DLGAP2: variants seen among roughly 807,000 people sequenced by gnomAD.
DLGAP2 encodes the protein disks large-associated protein 2.
DLGAP2 carries 26 observed loss-of-function variants against 100.3 expected under a neutral mutation model. That is an observed-to-expected ratio of 0.26 (90% CI 0.19 to 0.36). DLGAP2 has a LOEUF of 0.36. Ranked by LOEUF, DLGAP2 falls within the 10% of genes least tolerant of loss-of-function variation. DLGAP2 has a pLI of 1.00. For synonymous variants in DLGAP2, 886 were observed against 630.1 expected (o/e 1.41, Z -6.08); for missense variants, 1,858 against 1,453.2 (o/e 1.28, Z -4.53).
chr8:940,995 C>T (rs912325353), intron 2 of DLGAP2, among the ~76,000 whole-genome samples: 1 of 152,148 alleles, frequency 6.6e-6, no homozygotes, highest in Admixed American at 6.5e-5. Flanking sequence ...TGCCCCCACC[C>T]ATCTACAGGT....
intron 2 of DLGAP2, among the ~76,000 whole-genome samples, chr8:1,155,040 G>C (rs540346639): frequency 1.6e-4 from 24 of 152,212 alleles, no homozygotes; most frequent in African/African-American, 5.8e-4. Context: ...ATTCTCGCAG[G>C]CCTCTGCCTG....
chr8:826,351 A>C (rs541978038), intron 1 of DLGAP2, among the ~76,000 whole-genome samples: 1 of 152,014 alleles, frequency 6.6e-6, no homozygotes, highest in East Asian at 1.9e-4. Flanking sequence ...ATTGATTTTC[A>C]TTGTTGTGTT....
chr8:859,825 G>A (rs1255131040), intron 1 of DLGAP2, among the ~76,000 whole-genome samples: 1 of 152,176 alleles, frequency 6.6e-6, no homozygotes, highest in African/African-American at 2.4e-5. Flanking sequence ...GTGCGGTGTA[G>A]GGGCCACCTC....
intron 3 of DLGAP2, among the ~76,000 whole-genome samples, chr8:1,442,684 C>A (rs936718332): frequency 4.8e-5 from 7 of 147,204 alleles, no homozygotes; most frequent in African/African-American, 7.7e-5. Flanking sequence ...CGCCAGGCTG[C>A]TGTGGGTTCA....
intron 4 of DLGAP2, among the ~76,000 whole-genome samples, chr8:1,528,140 G>A (rs575810600): frequency 4.1e-4 from 62 of 152,308 alleles, no homozygotes; most frequent in African/African-American, 1.4e-3. Flanking sequence ...CCCGTCGGAC[G>A]CAGCGATACC....
chr8:1,685,549 G>A (rs1441792487), intron 12 of DLGAP2, among the ~76,000 whole-genome samples: 1 of 152,110 alleles, frequency 6.6e-6, no homozygotes, highest in East Asian at 1.9e-4. Flanking sequence ...CTATGAAGAT[G>A]TTGCCATACA....
At chr8:744,841 G>C (rs1490499640) in intron 1 of DLGAP2, among the ~76,000 whole-genome samples, 1 of 152,170 alleles carries the variant, frequency 6.6e-6, no homozygotes, top group African/African-American at 2.4e-5. Context: ...TAGTTGGAAT[G>C]CTGCTTCCCC....
intron 3 of DLGAP2, among the ~76,000 whole-genome samples, chr8:1,281,090 A>G (rs1023466781): frequency 2.0e-5 from 3 of 152,240 alleles, no homozygotes; most frequent in East Asian, 1.9e-4. Context: ...GTAGGTTTCA[A>G]TGAGATTATG....
chr8:754,782 C>T (rs1820882734), intron 1 of DLGAP2, among the ~76,000 whole-genome samples: 2 of 152,162 alleles, frequency 1.3e-5, no homozygotes, highest in Admixed American at 6.5e-5. Context: ...TCTGAGGCTG[C>T]CATGAGCCAC....
In DLGAP2 at chr8:1,511,782, C is replaced by A. The variant is rs367970558; in HGVS notation, c.172+10351C>A. Among the ~76,000 whole-genome samples the A allele has an allele frequency of 8.5e-5, 13 of 152,106 alleles. No homozygotes were observed. In the South Asian group the frequency reaches 1.7e-3, roughly 20 times the overall value. On this transcript the variant is annotated intron_variant, in intron 4 of 14. Transcript: ENST00000637795. Reference sequence around the variant, plus strand: ...GACGTAAGGTCTGTCTAGTGTAGGACAATCAGTAGATGACCATCTTCCATA... The same window carrying A: ...GACGTAAGGTCTGTCTAGTGTAGGAAAATCAGTAGATGACCATCTTCCATA...
chr8:1,139,569 A>C (rs1360831992), intron 2 of DLGAP2, among the ~76,000 whole-genome samples: 2 of 152,192 alleles, frequency 1.3e-5, no homozygotes, highest in Non-Finnish European at 2.9e-5. Flanking sequence ...TTGGGGGTTA[A>C]GATTTCACTG....
chr8:1,663,075 G>A, intron 8 of DLGAP2, among the ~76,000 whole-genome samples: 1 of 142,398 alleles, frequency 7.0e-6, no homozygotes, highest in Admixed American at 7.1e-5. Flanking sequence ...GGGTGTGTGT[G>A]CGTTTGTACA....
chr8:750,182 G>C (rs1359100295), intron 1 of DLGAP2, among the ~76,000 whole-genome samples: 2 of 152,220 alleles, frequency 1.3e-5, no homozygotes, highest in Non-Finnish European at 2.9e-5. Context: ...GAACGTTCCT[G>C]AGTCTGGAGG....
intron 1 of DLGAP2, among the ~76,000 whole-genome samples, chr8:841,501 G>A (rs1426483646): frequency 3.3e-5 from 5 of 152,148 alleles, no homozygotes; most frequent in East Asian, 1.9e-4. Context: ...AACACGACCC[G>A]GTTACTAGGG....
intron 2 of DLGAP2, among the ~76,000 whole-genome samples, chr8:915,314 G>T (rs968660449): frequency 6.6e-6 from 1 of 152,188 alleles, no homozygotes; most frequent in Admixed American, 6.5e-5. Context: ...TTGGGAGGCC[G>T]AGGTGGGTGG....
Position 833,118 on chromosome 8 carries a change from C to T in DLGAP2, c.19-74794C>T, listed in dbSNP as rs1236852768. 2.0e-5 allele frequency among the ~76,000 whole-genome samples: 3 copies of T among 152,270 alleles called. No individual in the cohort carries two copies. In the South Asian group the frequency reaches 6.2e-4, roughly 32 times the overall value. ...GGCTTACCTGTCTTCATGCTGTGTT[C>T]ACAGTGTTTCTAAAAAATGGCAGAC... is the stretch of plus-strand genomic sequence containing the variant. On this transcript the variant is annotated intron_variant, in intron 1 of 14. Transcript: ENST00000637795.
chr8:1,505,193 C>G (rs150782856), intron 4 of DLGAP2, among the ~76,000 whole-genome samples: 23 of 152,194 alleles, frequency 1.5e-4, no homozygotes, highest in African/African-American at 5.5e-4. Context: ...TTCCCAGTCA[C>G]GAATTTATGG....
At chr8:1,111,193 A>G (rs528861121) in intron 2 of DLGAP2, among the ~76,000 whole-genome samples, 20 of 152,296 alleles carry the variant, frequency 1.3e-4, no homozygotes, top group Admixed American at 2.6e-4. Flanking sequence ...AAATACAAAG[A>G]AAACATGGAG....
intron 2 of DLGAP2, among the ~76,000 whole-genome samples, chr8:1,081,541 A>T (rs1382574212): frequency 6.6e-6 from 1 of 152,114 alleles, no homozygotes; most frequent in Non-Finnish European, 1.5e-5. Flanking sequence ...CAGTAGAGAC[A>T]GGTTTCTCCA....
Sources: gnomAD v4.1 joint callset for allele counts (sites outside exome capture counted in the v4.1 genomes callset) on GRCh38, gnomAD v4.1.1 for gene constraint, MANE v1.5 for transcripts, NCBI Gene and HGNC (gene_info 2026-07-23, HGNC 2026-07-21) for gene names.